NLGN1: variants seen among roughly 807,000 people sequenced by gnomAD.
NLGN1 encodes the protein neuroligin-1.
NLGN1 carries 12 observed loss-of-function variants against 65.5 expected under a neutral mutation model. The observed-to-expected ratio is 0.18, with a 90% CI of 0.12 to 0.30. The LOEUF (loss-of-function observed/expected upper bound fraction) is 0.30. Ranked by LOEUF, NLGN1 falls within the 10% of genes least tolerant of loss-of-function variation. NLGN1 has a pLI of 1.00. For synonymous variants in NLGN1, 350 were observed against 359.5 expected (o/e 0.97, Z 0.30); for missense variants, 750 against 1,007.1 (o/e 0.74, Z 3.46).
intron 3 of NLGN1, among the ~76,000 whole-genome samples, chr3:173,718,529 C>T (rs550755488): frequency 1.3e-5 from 2 of 152,158 alleles, no homozygotes; most frequent in South Asian, 4.1e-4. Context: ...GTTTGTAAAA[C>T]ACTGCTCACA....
At chr3:173,780,368 T>C (rs1780939192) in intron 3 of NLGN1, among the ~76,000 whole-genome samples, 1 of 152,228 alleles carries the variant, frequency 6.6e-6, no homozygotes, top group Non-Finnish European at 1.5e-5. Flanking sequence ...TTAAAAATGT[T>C]CGTTATGTTC....
chr3:174,118,036 A>G (rs1043040978), intron 4 of NLGN1, among the ~76,000 whole-genome samples: 7 of 152,174 alleles, frequency 4.6e-5, no homozygotes, highest in Admixed American at 2.6e-4. Flanking sequence ...AGGCCATGTC[A>G]TTAGTAGTTA....
At chr3:173,441,653 C>T (rs1242301419) in intron 2 of NLGN1, among the ~76,000 whole-genome samples, 4 of 152,036 alleles carry the variant, frequency 2.6e-5, no homozygotes, top group Admixed American at 6.6e-5. Context: ...CACCCGGGCA[C>T]AATCACAATG....
chr3:173,806,310 C>CA (rs1341402143), intron 3 of NLGN1, among the ~76,000 whole-genome samples: 3 of 151,846 alleles, frequency 2.0e-5, no homozygotes, highest in Admixed American at 6.6e-5. Flanking sequence ...TATTTTTTTA[C>CA]AAAAAATGCA....
the NLGN1 span, among the ~76,000 whole-genome samples, chr3:174,292,225 A>G: frequency 6.6e-6 from 1 of 151,290 alleles, no homozygotes; most frequent in Non-Finnish European, 1.5e-5. Flanking sequence ...TGATCAAGCT[A>G]GTAGCAATGA....
intron 4 of NLGN1, among the ~76,000 whole-genome samples, chr3:174,133,397 C>T (rs977204466): frequency 2.0e-5 from 3 of 152,268 alleles, no homozygotes; most frequent in East Asian, 1.9e-4. Flanking sequence ...ATCTTTCCTT[C>T]GGGATCCATT....
intron 4 of NLGN1, among the ~76,000 whole-genome samples, chr3:174,006,169 A>G (rs1004763078): frequency 1.3e-5 from 2 of 152,148 alleles, no homozygotes; most frequent in African/African-American, 4.8e-5. Context: ...TACTGACTGT[A>G]AAAACTCCCT....
At chr3:173,787,638 A>G (rs1291530951) in intron 3 of NLGN1, among the ~76,000 whole-genome samples, 4 of 152,210 alleles carry the variant, frequency 2.6e-5, no homozygotes, top group African/African-American at 4.8e-5. Flanking sequence ...GAGGCCTCTT[A>G]TCCCATATTG....
rs137943662 is a variant in NLGN1 at position 173,502,740 on chromosome 3, G to T, written c.-321+67662G>T. ...CAACTGGGAAAGAGAAATAGCAGAC[G>T]GCACAAATCACTGAATTTTAATCGA... On this transcript the variant is annotated intron_variant, in intron 2 of 6. Coordinates refer to ENST00000457714, the Ensembl canonical transcript of NLGN1. Among the ~76,000 whole-genome samples the T allele has an allele frequency of 9.1e-3, 1,379 of 151,806 alleles. 24 individuals are homozygous for T. Among genetic ancestry groups the T allele is most frequent in the African/African-American group, 0.032 (1,330 of 41,380 alleles).
intron 2 of NLGN1, among the ~76,000 whole-genome samples, chr3:173,591,794 G>A (rs530870386): frequency 6.6e-6 from 1 of 152,270 alleles, no homozygotes; most frequent in South Asian, 2.1e-4. Context: ...AGAATGAGTT[G>A]AGACTGTAGC....
chr3:174,202,371 A>G (rs1734651139), intron 4 of NLGN1, among the ~76,000 whole-genome samples: 1 of 152,088 alleles, frequency 6.6e-6, no homozygotes, highest in African/African-American at 2.4e-5. Flanking sequence ...TTGGCACACA[A>G]TGGCCTTTCT....
intron 3 of NLGN1, among the ~76,000 whole-genome samples, chr3:173,624,217 G>A (rs1250480055): frequency 1.3e-5 from 2 of 152,104 alleles, no homozygotes; most frequent in African/African-American, 2.4e-5. Flanking sequence ...GACCTTCAGT[G>A]TTGCAAGATT....
rs926374237 is a variant in NLGN1, at chr3:174,167,978, G to GT, written c.647-107329dup. On this transcript the variant is annotated intron_variant, in intron 4 of 6. Transcript: ENST00000457714. ...TTTAAGCACTGAAATTATTTTTTCT[G>GT]TTTTTTTTCCAGTCTATTGATAAAG... Among the ~76,000 whole-genome samples, 97 of 151,078 alleles carry GT rather than the reference G, an allele frequency of 6.4e-4. No individual in the cohort carries two copies. In the Middle Eastern group the frequency reaches 0.014, roughly 21 times the overall value.
At chr3:173,911,897 C>T (rs1739676036) in intron 4 of NLGN1, among the ~76,000 whole-genome samples, 1 of 152,112 alleles carries the variant, frequency 6.6e-6, no homozygotes, top group Non-Finnish European at 1.5e-5. Context: ...ATATGTGTCC[C>T]TCTGTTTACT....
intron 3 of NLGN1, among the ~76,000 whole-genome samples, chr3:173,805,159 T>A (rs1189174163): frequency 6.6e-6 from 1 of 152,222 alleles, no homozygotes; most frequent in African/African-American, 2.4e-5. Flanking sequence ...GTTAACAATA[T>A]TAAGGTTTGT....
intron 4 of NLGN1, among the ~76,000 whole-genome samples, chr3:174,259,840 C>T (rs185035787): frequency 8.0e-6 from 1 of 125,188 alleles, no homozygotes; most frequent in Admixed American, 8.7e-5. Flanking sequence ...CCCCCTCCCC[C>T]CACCCCACCA....
chr3:173,461,189 G>A (rs1006371444), intron 2 of NLGN1, among the ~76,000 whole-genome samples: 4 of 152,074 alleles, frequency 2.6e-5, no homozygotes, highest in African/African-American at 9.7e-5. Context: ...GTCCATGCAT[G>A]GCCGAAATCC....
intron 4 of NLGN1, among the ~76,000 whole-genome samples, chr3:173,835,725 A>G (rs559988093): frequency 1.3e-5 from 2 of 152,206 alleles, no homozygotes; most frequent in African/African-American, 4.8e-5. Context: ...ATGAATTGCA[A>G]TCAAAGAATA....
intron 4 of NLGN1, among the ~76,000 whole-genome samples, chr3:173,825,485 ATTCTGTTAGTTAAGGTTT>A (rs1721162390): frequency 6.6e-6 from 1 of 152,030 alleles, no homozygotes; most frequent in African/African-American, 2.4e-5. Context: ...AGTAAGATGT[ATTCTGTTAGTTAAGGTTT>A]TTCGTTTTAT....
Sources: gnomAD v4.1 joint callset for allele counts (sites outside exome capture counted in the v4.1 genomes callset) on GRCh38, gnomAD v4.1.1 for gene constraint, MANE v1.5 for transcripts, NCBI Gene and HGNC (gene_info 2026-07-23, HGNC 2026-07-21) for gene names.